The following ATP8A2 variants were observed in gnomAD, a reference collection of about 807,000 sequenced individuals.
ATP8A2 encodes the protein phospholipid-transporting ATPase IB.
A neutral mutation model predicts 165.6 loss-of-function variants in ATP8A2; 100 were observed. That is an observed-to-expected ratio of 0.60 (90% CI 0.51 to 0.71). ATP8A2 has a LOEUF of 0.71. Ranked by LOEUF, ATP8A2 falls within the 30% of genes least tolerant of loss-of-function variation. The pLI is 0.00. For missense variants in ATP8A2, 1,227 were observed against 1,479.5 expected (o/e 0.83, Z 2.80); for synonymous variants, 543 against 548.8 (o/e 0.99, Z 0.15).
chr13:25,808,591 T>G (rs1267829743), intron 27 of ATP8A2, among the ~76,000 whole-genome samples: 2 of 148,572 alleles, frequency 1.3e-5, no homozygotes, highest in East Asian at 4.0e-4. Context: ...AGAGCAAGAC[T>G]CCATCTCAAA....
chr13:25,632,825 C>T (rs1429574511), intron 24 of ATP8A2, among the ~76,000 whole-genome samples: 5 of 152,082 alleles, frequency 3.3e-5, no homozygotes, highest in East Asian at 1.9e-4. Flanking sequence ...CCAGCTTAGC[C>T]GGGAAGCTGC....
chr13:25,384,029 CTT>C (rs1357887590), intron 1 of ATP8A2, among the ~76,000 whole-genome samples: 1 of 152,112 alleles, frequency 6.6e-6, no homozygotes, highest in Admixed American at 6.6e-5. Context: ...GGCCATCTGT[CTT>C]ATTTTTTTCA....
At chr13:25,867,132 G>C (rs945150785) in intron 33 of ATP8A2, among the ~76,000 whole-genome samples, 1 of 148,192 alleles carries the variant, frequency 6.7e-6, no homozygotes, top group Admixed American at 6.9e-5. Context: ...TTCTGGACTG[G>C]GACAGGCTTT....
intron 1 of ATP8A2, among the ~76,000 whole-genome samples, chr13:25,377,360 G>T (rs2032669035): frequency 6.6e-6 from 1 of 152,190 alleles, no homozygotes; most frequent in Non-Finnish European, 1.5e-5. Context: ...CATGCCTTGG[G>T]AGTTTCTCCC....
chr13:25,421,542 C>T (rs1048319958), intron 1 of ATP8A2, among the ~76,000 whole-genome samples: 9 of 152,178 alleles, frequency 5.9e-5, no homozygotes, highest in African/African-American at 2.2e-4. Flanking sequence ...ATTGTGTTGC[C>T]CAGGCTGATC....
intron 33 of ATP8A2, among the ~76,000 whole-genome samples, chr13:25,875,524 C>T (rs1462224756): frequency 6.6e-6 from 1 of 151,816 alleles, no homozygotes; most frequent in Non-Finnish European, 1.5e-5. Context: ...AGTATTTCAG[C>T]ATTTATACAA....
intron 2 of ATP8A2, among the ~76,000 whole-genome samples, chr13:25,520,850 G>A (rs887261443): frequency 6.6e-5 from 10 of 151,986 alleles, no homozygotes; most frequent in African/African-American, 1.5e-4. Flanking sequence ...TCCTGACCTC[G>A]TGGTCTGCCC....
chr13:25,857,570 CTTTTTTTTTTTT>C (rs71080207), intron 30 of ATP8A2, among the ~76,000 whole-genome samples: 2 of 91,582 alleles, frequency 2.2e-5, no homozygotes, highest in South Asian at 7.6e-4. Context: ...CTTTTTTTTC[CTTTTTTTTTTTT>C]TTTTTTTTTG....
chr13:25,377,394 GA>G (rs1158094510), intron 1 of ATP8A2, among the ~76,000 whole-genome samples: 1 of 152,198 alleles, frequency 6.6e-6, no homozygotes, highest in Non-Finnish European at 1.5e-5. Flanking sequence ...GGCAAACACA[GA>G]AACAGGACCT....
At chr13:25,510,078 A>C (rs913942080) in intron 2 of ATP8A2, among the ~76,000 whole-genome samples, 3 of 152,118 alleles carry the variant, frequency 2.0e-5, no homozygotes, top group Non-Finnish European at 4.4e-5. Context: ...TTAAGATAAT[A>C]AATATTTTAT....
rs576632292 is a variant in ATP8A2, at chr13:25,440,897, C to T, written c.77-28080C>T. On this transcript the variant is annotated intron_variant, in intron 1 of 36. Coordinates refer to ENST00000381655, the MANE Select transcript of ATP8A2 (RefSeq NM_016529.6). Reference sequence around the variant, plus strand: ...TTTTTCAATATGTTGAGACCCTTGACGTAGCTTTTTGCATTCAAATTATTT... The same window carrying T: ...TTTTTCAATATGTTGAGACCCTTGATGTAGCTTTTTGCATTCAAATTATTT... Among the ~76,000 whole-genome samples the T allele has an allele frequency of 4.3e-4, 66 of 152,216 alleles. 1 individual carries two copies. In the Middle Eastern group the frequency reaches 0.01, roughly 24 times the overall value.
intron 24 of ATP8A2, among the ~76,000 whole-genome samples, chr13:25,687,516 C>G (rs1276101048): frequency 1.3e-5 from 2 of 152,206 alleles, no homozygotes; most frequent in Non-Finnish European, 2.9e-5. Flanking sequence ...AGCAGGCCTT[C>G]CCACTGCCAT....
chr13:25,760,285 T>C (rs2044355266), intron 25 of ATP8A2, among the ~76,000 whole-genome samples: 2 of 152,364 alleles, frequency 1.3e-5, no homozygotes, highest in South Asian at 2.1e-4. Context: ...CCAGTCATCA[T>C]GTAGTAATTA....
intron 1 of ATP8A2, among the ~76,000 whole-genome samples, chr13:25,401,976 C>T (rs976855290): frequency 2.9e-4 from 44 of 152,146 alleles, no homozygotes; most frequent in African/African-American, 9.9e-4. Flanking sequence ...CCCTCCTCAG[C>T]CTCCCAAAAT....
chr13:25,567,267 T>C (rs2039342094), intron 16 of ATP8A2: 3 of 456,164 alleles, frequency 6.6e-6, no homozygotes, highest in Non-Finnish European at 1.3e-5. Flanking sequence ...CCTCTGTTGA[T>C]GTTTGAATGG....
rs537099181 is a variant in ATP8A2, at chr13:26,018,694, C to G, written c.3470-1194C>G. Among the ~76,000 whole-genome samples the G allele has an allele frequency of 9.2e-5, 14 of 152,282 alleles. No homozygotes were observed. The South Asian group carries it at 2.9e-3, about 32-fold the overall frequency. The stretch of plus-strand genomic sequence containing the variant: ...GTTGGAAGAAAAGCCCCACTCTGGG[C>G]TTGTGAACACTAAAGCTGGTTCTCA... On this transcript the variant is annotated intron_variant, in intron 36 of 36. Transcript: ENST00000381655.
intron 25 of ATP8A2, among the ~76,000 whole-genome samples, chr13:25,768,284 A>G (rs954785009): frequency 6.6e-6 from 1 of 152,088 alleles, no homozygotes; most frequent in Non-Finnish European, 1.5e-5. Flanking sequence ...TTTAGACCCC[A>G]CAGATTTATA....
chr13:25,915,623 T>G (rs577325892), intron 33 of ATP8A2, among the ~76,000 whole-genome samples: 56 of 152,208 alleles, frequency 3.7e-4, no homozygotes, highest in Admixed American at 6.5e-4. Flanking sequence ...TGCCAGCGCT[T>G]CCCACTGGGA....
At chr13:25,386,450 C>A (rs923111073) in intron 1 of ATP8A2, among the ~76,000 whole-genome samples, 1 of 152,170 alleles carries the variant, frequency 6.6e-6, no homozygotes, top group Non-Finnish European at 1.5e-5. Context: ...ACTTGTACTT[C>A]AGCAAACTAT....
Sources: gnomAD v4.1 joint callset for allele counts (sites outside exome capture counted in the v4.1 genomes callset) on GRCh38, gnomAD v4.1.1 for gene constraint, MANE v1.5 for transcripts, NCBI Gene and HGNC (gene_info 2026-07-23, HGNC 2026-07-21) for gene names.